The following CSE1L variants were observed in gnomAD, a reference collection of about 807,000 sequenced individuals.
CSE1L encodes the protein exportin-2.
CSE1L carries 24 observed loss-of-function variants against 120.4 expected under a neutral mutation model. That is an observed-to-expected ratio of 0.20 (90% CI 0.14 to 0.28). CSE1L has a LOEUF of 0.28. Ranked by LOEUF, CSE1L falls within the 10% of genes least tolerant of loss-of-function variation. The pLI is 1.00. For missense variants in CSE1L, 830 were observed against 1,145.2 expected (o/e 0.72, Z 3.97); for synonymous variants, 402 against 398.3 (o/e 1.01, Z -0.11).
chr20:49,060,184 TAAAA>T (rs397839598), intron 2 of CSE1L, among the ~76,000 whole-genome samples: 5 of 133,432 alleles, frequency 3.7e-5, no homozygotes, highest in Non-Finnish European at 4.8e-5. Flanking sequence ...AATCTTGTCT[TAAAA>T]AAAAAAAAAA....
At chr20:49,048,703 C>T (rs1218875347) in intron 1 of CSE1L, among the ~76,000 whole-genome samples, 1 of 152,068 alleles carries the variant, frequency 6.6e-6, no homozygotes, top group East Asian at 1.9e-4. Flanking sequence ...ATCCAGGACC[C>T]GGATCATAGA....
intron 24 of CSE1L, among the ~76,000 whole-genome samples, chr20:49,095,738 A>G (rs1043760831): frequency 2.6e-5 from 4 of 152,022 alleles, no homozygotes; most frequent in African/African-American, 9.7e-5. Context: ...TAAAATATAT[A>G]TTTTTCAAGC....
intron 2 of CSE1L, among the ~76,000 whole-genome samples, chr20:49,060,511 C>CA (rs1181655668): frequency 6.6e-6 from 1 of 150,934 alleles, no homozygotes; most frequent in East Asian, 2.0e-4. Context: ...CACATTTGCT[C>CA]ACGCCTGTAA....
chr20:49,078,948 G>A (rs143191111), intron 14 of CSE1L, among the ~76,000 whole-genome samples: 1 of 152,304 alleles, frequency 6.6e-6, no homozygotes, highest in East Asian at 1.9e-4. Flanking sequence ...CTGGAGTGCA[G>A]TGGCACCATC....
chr20:49,090,037 G>T (rs2092088874), intron 19 of CSE1L, among the ~76,000 whole-genome samples: 1 of 151,918 alleles, frequency 6.6e-6, no homozygotes, highest in Non-Finnish European at 1.5e-5. Context: ...AGGTGAGAGG[G>T]TCGCTTGAGC....
rs2092144549 is a variant in CSE1L at position 49,096,754 on chromosome 20, T to C, written c.*316T>C. On this transcript the variant is annotated 3_prime_UTR_variant, in exon 25 of 25. Transcript: ENST00000262982. ...ATTTTGACGGACACTGTGGAGACTT[T>C]CTGTTACTAAATCCTTTTGTTTTGA... 1 of 283,808 alleles carries C rather than the reference T, an allele frequency of 3.5e-6. No homozygotes were observed. The highest frequency in any genetic ancestry group is 2.2e-5 in the African/African-American group (1 of 45,552). 17.6% of individuals were successfully genotyped at this position (283,808 alleles called of 1,614,324 possible).
chr20:49,059,192 G>A (rs1366113080), intron 2 of CSE1L, among the ~76,000 whole-genome samples: 1 of 151,664 alleles, frequency 6.6e-6, no homozygotes, highest in Non-Finnish European at 1.5e-5. Flanking sequence ...GAGAGTAATT[G>A]CCTAAAAAGT....
chr20:49,076,068 GTGATCCT>G (rs1436391244), intron 12 of CSE1L, among the ~76,000 whole-genome samples: 2 of 152,204 alleles, frequency 1.3e-5, no homozygotes, highest in Non-Finnish European at 2.9e-5. Flanking sequence ...CTGACCTCGT[GTGATCCT>G]CACACCTCAG....
intron 13 of CSE1L, 35 bp downstream of exon 13, chr20:49,077,099 G>A (rs2091974425): frequency 7.7e-7 from 1 of 1,301,122 alleles, no homozygotes; most frequent in Non-Finnish European, 1.1e-6. Context: ...TTTACAGCTT[G>A]CCACACTATA....
chr20:49,067,083 G>A lies in CSE1L; in HGVS notation c.477-107G>A, dbSNP rs1420666461. 8 of 434,550 alleles carry A rather than the reference G, an allele frequency of 1.8e-5. No homozygotes were observed. The South Asian group carries it at 2.4e-4, about 13-fold the overall frequency. 26.9% of individuals were successfully genotyped at this position (434,550 alleles called of 1,614,324 possible). On this transcript the variant is annotated intron_variant, in intron 5 of 24. Transcript: ENST00000262982. ...AATTCCCTTTGAATTTCGGAATTTC[G>A]GAAACCCATCTATTCATAGATGTCC...
At chr20:49,052,203 T>C (rs770121811) in intron 1 of CSE1L, among the ~76,000 whole-genome samples, 4 of 152,190 alleles carry the variant, frequency 2.6e-5, no homozygotes, top group Non-Finnish European at 5.9e-5. Flanking sequence ...TTGTGACTTA[T>C]CCTTTAGTTC....
chr20:49,083,193 T>G (rs1347675832), intron 14 of CSE1L, among the ~76,000 whole-genome samples: 1 of 151,846 alleles, frequency 6.6e-6, no homozygotes, highest in Non-Finnish European at 1.5e-5. Context: ...TCTGGCTAAT[T>G]TTTTGTATTT....
chr20:49,080,261 AT>A (rs1206371694), intron 14 of CSE1L, among the ~76,000 whole-genome samples: 3 of 129,156 alleles, frequency 2.3e-5, no homozygotes, highest in Non-Finnish European at 5.1e-5. Context: ...GTTTTTTTTT[AT>A]TTTTTTTGTT....
intron 22 of CSE1L, among the ~76,000 whole-genome samples, chr20:49,093,564 C>CTTTTTTTTTTTTTTTT (rs11477256): frequency 8.5e-6 from 1 of 117,584 alleles, no homozygotes; most frequent in Non-Finnish European, 1.7e-5. Flanking sequence ...GCTCCTCTCT[C>CTTTTTTTTTTTTTTTT]TTTTTTTTTT....
intron 13 of CSE1L, among the ~76,000 whole-genome samples, 155 bp downstream of exon 13, chr20:49,077,219 G>A (rs1467366018): frequency 6.7e-6 from 1 of 148,754 alleles, no homozygotes; most frequent in Non-Finnish European, 1.5e-5. Context: ...GAGTGCAGTG[G>A]CACAGTCTCT....
In CSE1L at chr20:49,080,703, C is replaced by G. The variant is rs181731702; in HGVS notation, c.1482+2081C>G. On this transcript the variant is annotated intron_variant, in intron 14 of 24. Transcript: ENST00000262982. ...GTTGGTCAGGCTGGTCTCGAACCCC[C>G]TACCTCAGGCGATCCGCCTGCCTCG... 2.1e-3 allele frequency among the ~76,000 whole-genome samples: 319 copies of G among 152,208 alleles called. 2 individuals carry two copies. The highest frequency in any genetic ancestry group is 7.0e-3 in the African/African-American group (291 of 41,548).
chr20:49,078,645 C>T (rs1253429501), intron 14 of CSE1L, 23 bp downstream of exon 14: 4 of 1,476,574 alleles, frequency 2.7e-6, no homozygotes, highest in African/African-American at 1.4e-5. Flanking sequence ...TTATTTGTTA[C>T]ACGCCACTTA....
At chr20:49,077,140 G>A (rs1343372034) in intron 13 of CSE1L, 76 bp downstream of exon 13, 1 of 588,626 alleles carries the variant, frequency 1.7e-6, no homozygotes, top group Non-Finnish European at 2.7e-6. Flanking sequence ...TCCTATCCTT[G>A]TTCCCTTTTG....
At chr20:49,048,205 C>T (rs1020584115) in intron 1 of CSE1L, among the ~76,000 whole-genome samples, 2 of 149,502 alleles carry the variant, frequency 1.3e-5, no homozygotes, top group African/African-American at 5.0e-5. Context: ...CGTCTCTCCG[C>T]TCCTACAACC....
Sources: gnomAD v4.1 joint callset for allele counts (sites outside exome capture counted in the v4.1 genomes callset) on GRCh38, gnomAD v4.1.1 for gene constraint, MANE v1.5 for transcripts, NCBI Gene and HGNC (gene_info 2026-07-23, HGNC 2026-07-21) for gene names.